Variants in TTLL11 observed in about 807,000 individuals in gnomAD.
TTLL11 encodes the protein tubulin polyglutamylase TTLL11.
In TTLL11, 42 loss-of-function variants were observed where a neutral mutation model predicts 51.7. The ratio of observed to expected loss-of-function variants is 0.81; its 90% CI spans 0.64 to 1.05. TTLL11 has a LOEUF of 1.05. Ranked by LOEUF, TTLL11 falls within the 50% of genes least tolerant of loss-of-function variation. TTLL11 has a pLI of 0.00. For missense variants in TTLL11, 799 were observed against 940.4 expected, an observed-to-expected ratio of 0.85 and a Z score of 1.97; for synonymous variants, 381 against 383.5, an observed-to-expected ratio of 0.99 and a Z score of 0.08.
intron 6 of TTLL11, among the ~76,000 whole-genome samples, chr9:121,960,736 C>T (rs939482300): frequency 2.6e-5 from 4 of 152,148 alleles, no homozygotes; most frequent in African/African-American, 4.8e-5. Flanking sequence ...TGGCGCAGTC[C>T]GGGGGAAGAA....
At chr9:122,040,374 C>G (rs770152744) in intron 1 of TTLL11, 7 of 984,856 alleles carry the variant, frequency 7.1e-6, no homozygotes, top group Non-Finnish European at 7.2e-6. Context: ...AATTTCTCAC[C>G]GAGACAAAAG....
At chr9:121,957,633 G>T (rs1257935873) in intron 6 of TTLL11, among the ~76,000 whole-genome samples, 10 of 152,196 alleles carry the variant, frequency 6.6e-5, no homozygotes, top group Non-Finnish European at 1.5e-5. Context: ...GAGTCCTTGA[G>T]GCCAAGGAGG....
intron 1 of TTLL11, among the ~76,000 whole-genome samples, chr9:122,088,673 C>T (rs886484025): frequency 1.3e-5 from 2 of 152,052 alleles, no homozygotes; most frequent in African/African-American, 4.8e-5. Context: ...GATTTATTAT[C>T]ATGTTGTTGT....
At chr9:121,914,402 C>G (rs151334131) in intron 6 of TTLL11, among the ~76,000 whole-genome samples, 1 of 152,300 alleles carries the variant, frequency 6.6e-6, no homozygotes, top group African/African-American at 2.4e-5. Flanking sequence ...GCACCTATTA[C>G]CTGGGAGGCC....
At chr9:122,080,672 G>A (rs919697325) in intron 1 of TTLL11, among the ~76,000 whole-genome samples, 3 of 151,846 alleles carry the variant, frequency 2.0e-5, no homozygotes, top group Admixed American at 6.6e-5. Context: ...CAGCCTGGGC[G>A]ACAGAGTGAA....
chr9:122,041,245 A>C (rs1844838199), intron 1 of TTLL11, among the ~76,000 whole-genome samples: 1 of 152,236 alleles, frequency 6.6e-6, no homozygotes, highest in South Asian at 2.1e-4. Flanking sequence ...AATTTTAATT[A>C]AGTCCCAGGA....
chr9:121,863,796 A>C (rs1245175940), intron 7 of TTLL11, among the ~76,000 whole-genome samples: 1 of 152,234 alleles, frequency 6.6e-6, no homozygotes, highest in Admixed American at 6.5e-5. Flanking sequence ...CATTTCAATG[A>C]AGCGTATGCT....
chr9:121,984,605 G>A (rs1384139867), intron 4 of TTLL11, among the ~76,000 whole-genome samples: 1 of 152,128 alleles, frequency 6.6e-6, no homozygotes, highest in East Asian at 1.9e-4. Context: ...TTGCTCCTTG[G>A]CCTTCTTCCC....
chr9:121,841,513 CCTG>C (rs1837345459), intron 8 of TTLL11, among the ~76,000 whole-genome samples: 1 of 152,118 alleles, frequency 6.6e-6, no homozygotes, highest in South Asian at 2.1e-4. Context: ...GAGACTCCCA[CCTG>C]CTACCAAGAA....
intron 6 of TTLL11, among the ~76,000 whole-genome samples, chr9:121,941,693 C>A (rs79058153): frequency 0.038 from 5,777 of 152,278 alleles, 176 homozygotes; most frequent in South Asian, 0.054. Context: ...AGAGGGCACA[C>A]TTCTCATCTG....
intron 1 of TTLL11, among the ~76,000 whole-genome samples, chr9:122,064,166 C>G (rs752879682): frequency 6.6e-6 from 1 of 152,150 alleles, no homozygotes; most frequent in African/African-American, 2.4e-5. Context: ...ATATCATTTT[C>G]CTTCTCAGCA....
In TTLL11 at chr9:122,011,929, G is replaced by A. The variant is rs753479603; in HGVS notation, c.693+19794C>T. On this transcript the variant is annotated intron_variant, in intron 3 of 8. Transcript: ENST00000321582. ...AAATGTACAGGGTTAATTTCAGAAG[G>A]AAGGTGGGAGAAGAGGGTGCATGTT... 2.9e-4 allele frequency among the ~76,000 whole-genome samples: 44 copies of A among 152,162 alleles called. 1 individual carries two copies. The highest frequency in any genetic ancestry group is 1.4e-3 in the Admixed American group (22 of 15,278).
chr9:121,956,226 A>G (rs1015143479), intron 6 of TTLL11, among the ~76,000 whole-genome samples: 2 of 151,990 alleles, frequency 1.3e-5, no homozygotes, highest in Non-Finnish European at 2.9e-5. Flanking sequence ...TTTGCCTGAA[A>G]ACCAGCTGGA....
intron 1 of TTLL11, among the ~76,000 whole-genome samples, chr9:122,055,974 A>G (rs543821090): frequency 6.6e-6 from 1 of 152,364 alleles, no homozygotes; most frequent in Admixed American, 6.5e-5. Context: ...TAACTTGCGG[A>G]GCTGCCTCGG....
At chr9:121,832,178 G>T (rs1837037464) in intron 8 of TTLL11, among the ~76,000 whole-genome samples, 1 of 152,090 alleles carries the variant, frequency 6.6e-6, no homozygotes, top group East Asian at 1.9e-4. Flanking sequence ...AAATTTGGTG[G>T]GAGACACAAT....
At position 122,061,323 on chromosome 9, in the gene TTLL11, T is replaced by A. The variant is rs527692770; in HGVS notation, c.463-21955A>T. On this transcript the variant is annotated intron_variant, in intron 1 of 8. Coordinates refer to ENST00000321582, the MANE Select transcript of TTLL11 (RefSeq NM_001139442.2). ...TACTGGTTAGGGCTTGGACATATCT[T>A]TTTTTGGGGGGGCACAATTCAACCC... is the stretch of plus-strand genomic sequence containing the variant. Among the ~76,000 whole-genome samples the A allele has an allele frequency of 4.0e-3, 609 of 152,266 alleles. 2 individuals carry two copies. Among genetic ancestry groups the A allele is most frequent in the African/African-American group, 0.014 (587 of 41,550 alleles).
rs746084137 is a variant in TTLL11 at position 122,068,687 on chromosome 9, G to A, written c.462+24000C>T. On this transcript the variant is annotated intron_variant, in intron 1 of 8. Coordinates refer to ENST00000321582, the MANE Select transcript of TTLL11 (RefSeq NM_001139442.2). ...GATTTTGGCCGACTCCAAATCCTGC[G>A]CTTTTTCTACACTGCATTGTGGCAG... is the stretch of plus-strand genomic sequence containing the variant. 1.1e-4 allele frequency among the ~76,000 whole-genome samples: 16 copies of A among 152,248 alleles called. No individual in the cohort carries two copies. The Middle Eastern group carries it at 0.014, about 130-fold the overall frequency.
rs746947799 is a variant in TTLL11 at position 122,093,102 on chromosome 9, G to A, written c.47C>T (p.Ala16Val). The stretch of plus-strand genomic sequence containing the variant: ...CGCTTTGGCCGCAGCCACCGCCTCC[G>A]CCTCCCACCGGGCCGCCAGCTCGCT... ...SESELAARWE[A>V]EAVAAAKAAA... The change falls in exon 1 of 9, where the codon GCG becomes GTG. Residue 16 changes from alanine to valine, a missense_variant. Physicochemically the swap from Ala to Val is moderately conservative, Grantham distance 64 (BLOSUM62 0). Transcript: ENST00000321582. 3 of 1,498,514 alleles carry A rather than the reference G, an allele frequency of 2.0e-6. No individual in the cohort carries two copies. The South Asian group carries it at 3.7e-5, about 19-fold the overall frequency. The allele number at this position is 1,498,514 out of a possible 1,614,324, so 92.8% of individuals were successfully genotyped here.
chr9:122,035,127 C>G (rs918713854), intron 2 of TTLL11, among the ~76,000 whole-genome samples: 1 of 152,184 alleles, frequency 6.6e-6, no homozygotes, highest in African/African-American at 2.4e-5. Context: ...CTCCAATGCC[C>G]CTCCTCTCTC....
Sources: allele counts gnomAD v4.1 joint callset (sites outside exome capture counted in the v4.1 genomes callset), GRCh38; gene constraint gnomAD v4.1.1; transcripts MANE v1.5; gene names NCBI Gene and HGNC (gene_info 2026-07-23, HGNC 2026-07-21).